HIVEP3: variants seen among roughly 807,000 people sequenced by gnomAD.
HIVEP3 encodes the protein transcription factor HIVEP3.
HIVEP3 carries 49 observed loss-of-function variants against 152.8 expected under a neutral mutation model. That is an observed-to-expected ratio of 0.32 (90% CI 0.26 to 0.41). The LOEUF is 0.41. HIVEP3 is among the 10% of genes least tolerant of loss of function. HIVEP3 has a pLI of 1.00. For synonymous variants in HIVEP3, 1,269 were observed against 1,289.0 expected, an observed-to-expected ratio of 0.98 and a Z score of 0.33; for missense variants, 2,790 against 3,103.3, an observed-to-expected ratio of 0.90 and a Z score of 2.40.
At chr1:41,967,526 C>T (rs938405435) in intron 1 of HIVEP3, among the ~76,000 whole-genome samples, 1 of 152,166 alleles carries the variant, frequency 6.6e-6, no homozygotes. Flanking sequence ...GTACCAGAAT[C>T]TCTGGAATGC....
chr1:41,811,988 T>C (rs979117249), intron 1 of HIVEP3, among the ~76,000 whole-genome samples: 1 of 152,136 alleles, frequency 6.6e-6, no homozygotes, highest in African/African-American at 2.4e-5. Flanking sequence ...CCAGAGGCAC[T>C]GGCTTAAGAA....
At chr1:41,689,513 GGA>G (rs893497590) in intron 2 of HIVEP3, among the ~76,000 whole-genome samples, 4 of 152,148 alleles carry the variant, frequency 2.6e-5, no homozygotes, top group African/African-American at 9.7e-5. Context: ...CCATTTCACG[GGA>G]GAGAGTCCCT....
At chr1:41,789,173 G>A (rs564347468) in intron 1 of HIVEP3, among the ~76,000 whole-genome samples, 40 of 152,326 alleles carry the variant, frequency 2.6e-4, no homozygotes, top group Admixed American at 1.2e-3. Flanking sequence ...GCGGAGGTAG[G>A]TGTAGAATTG....
intron 1 of HIVEP3, among the ~76,000 whole-genome samples, chr1:41,889,777 C>T (rs1268219378): frequency 6.6e-6 from 1 of 152,148 alleles, no homozygotes. Flanking sequence ...CTCTGATTAC[C>T]ACGGTGACAC....
Position 41,582,416 on chromosome 1 carries a change from G to C in HIVEP3, c.2382C>G (p.Ser794=), listed in dbSNP as rs1644427749. The change falls in exon 4 of 9, where the codon TCC becomes TCG. Residue 794 remains serine (S), a synonymous_variant. Coordinates refer to ENST00000372583, the MANE Select transcript of HIVEP3 (RefSeq NM_024503.5). The surrounding 1 kb of genome is among the most constrained non-coding windows in gnomAD (Gnocchi z 4.7). ...SESGKERRTT[S]KEISVIQHTS... ...TGTGCTGGATGACAGAAATTTCTTT[G>C]GACGTTGTTCTCCTCTCCTTCCCTG... 1.2e-6 allele frequency: 2 copies of C among 1,614,190 alleles called. No individual in the cohort carries two copies. The highest frequency in any genetic ancestry group is 1.7e-6 in the Non-Finnish European group (2 of 1,180,028).
intron 1 of HIVEP3, among the ~76,000 whole-genome samples, chr1:41,761,739 T>A (rs1186589351): frequency 5.9e-5 from 9 of 152,064 alleles, no homozygotes; most frequent in Admixed American, 5.9e-4. Context: ...GTGTTATGCC[T>A]ATGTGAGTGC....
At chr1:41,615,401 G>T (rs558334050) in intron 3 of HIVEP3, among the ~76,000 whole-genome samples, 5 of 152,310 alleles carry the variant, frequency 3.3e-5, no homozygotes, top group Non-Finnish European at 7.4e-5. Context: ...CCTCAGCCTG[G>T]CTTCCCCATC....
intron 5 of HIVEP3, chr1:41,544,157 C>A (rs559028729): frequency 1.3e-5 from 2 of 152,072 alleles, no homozygotes; most frequent in Non-Finnish European, 2.9e-5. Context: ...GCCTGTACCT[C>A]GTGGCTAACT....
intron 1 of HIVEP3, among the ~76,000 whole-genome samples, chr1:42,035,420 C>CTTTG (rs1645635894): frequency 6.6e-6 from 1 of 152,280 alleles, no homozygotes; most frequent in Non-Finnish European, 1.5e-5. Context: ...CAACAAACCC[C>CTTTG]TGACCACAAA....
At chr1:41,933,801 T>C (rs142982798) in intron 1 of HIVEP3, among the ~76,000 whole-genome samples, 18 of 152,202 alleles carry the variant, frequency 1.2e-4, no homozygotes, top group African/African-American at 4.3e-4. Flanking sequence ...AAATGGTTTC[T>C]ATTGTTCTGA....
At chr1:41,597,182 C>T (rs116035660) in intron 3 of HIVEP3, among the ~76,000 whole-genome samples, 259 of 152,226 alleles carry the variant, frequency 1.7e-3, no homozygotes, top group African/African-American at 5.2e-3. Context: ...CAATCCTAGA[C>T]GAGTTAGACC....
At chr1:41,538,693 A>C (rs1293049072) in intron 5 of HIVEP3, among the ~76,000 whole-genome samples, 1 of 152,194 alleles carries the variant, frequency 6.6e-6, no homozygotes, top group African/African-American at 2.4e-5. Context: ...AAGAGCCAGC[A>C]AGCAGGCACC....
At chr1:41,843,084 G>A (rs147140020) in intron 1 of HIVEP3, among the ~76,000 whole-genome samples, 32 of 152,228 alleles carry the variant, frequency 2.1e-4, no homozygotes, top group South Asian at 1.2e-3. Flanking sequence ...TCCGTTCCCC[G>A]TTACCAAGCA....
intron 1 of HIVEP3, among the ~76,000 whole-genome samples, chr1:41,879,048 T>C (rs954723525): frequency 8.2e-6 from 1 of 122,508 alleles, no homozygotes; most frequent in Non-Finnish European, 1.9e-5. Context: ...CCATGCATAA[T>C]GCAGGCACCT....
At chr1:41,637,584 G>GA (rs1372525168) in intron 2 of HIVEP3, among the ~76,000 whole-genome samples, 2 of 152,196 alleles carry the variant, frequency 1.3e-5, no homozygotes, top group Non-Finnish European at 2.9e-5. Flanking sequence ...TCTCAGCTGT[G>GA]ACACACACTT....
chr1:41,995,687 G>T (rs1447890673), intron 1 of HIVEP3, among the ~76,000 whole-genome samples: 1 of 152,228 alleles, frequency 6.6e-6, no homozygotes, highest in Admixed American at 6.5e-5. Flanking sequence ...AATAATTTAT[G>T]ATCAGGAGGG....
At chr1:41,568,577 G>A (rs1307082791) in intron 5 of HIVEP3, among the ~76,000 whole-genome samples, 1 of 152,216 alleles carries the variant, frequency 6.6e-6, no homozygotes, top group East Asian at 1.9e-4. Flanking sequence ...GTGGGAGCAG[G>A]TGACTGTAGG....
intron 1 of HIVEP3, among the ~76,000 whole-genome samples, chr1:41,944,462 T>C (rs527943462): frequency 3.9e-5 from 6 of 152,342 alleles, no homozygotes; most frequent in South Asian, 2.1e-4. Context: ...CCATGTTACC[T>C]ACACTCTCTC....
intron 2 of HIVEP3, among the ~76,000 whole-genome samples, chr1:41,652,587 C>T (rs1017883892): frequency 2.6e-5 from 4 of 152,134 alleles, no homozygotes; most frequent in African/African-American, 7.2e-5. Flanking sequence ...CTACGAGCAA[C>T]GTGGAGGGGT....
Sources: allele counts gnomAD v4.1 joint callset (sites outside exome capture counted in the v4.1 genomes callset), GRCh38; gene constraint gnomAD v4.1.1; non-coding constraint Gnocchi (gnomAD v3.1); transcripts MANE v1.5; gene names NCBI Gene and HGNC (gene_info 2026-07-23, HGNC 2026-07-21).